FAM162B: variants seen among roughly 807,000 people sequenced by gnomAD.
The protein encoded by FAM162B is family with sequence similarity 162 member B.
A neutral mutation model predicts 20.0 loss-of-function variants in FAM162B; 16 were observed. That is an observed-to-expected ratio of 0.80 (90% confidence interval 0.54 to 1.21). FAM162B has a LOEUF of 1.21. Among genes scored for constraint, FAM162B ranks in the 50% most tolerant of loss-of-function variants. The probability of loss-of-function intolerance (pLI) is 0.00; values close to 1 mark genes in which losing one functional copy is unlikely to be tolerated. For missense variants in FAM162B, 260 were observed against 227.5 expected (o/e 1.14, Z -0.92); for synonymous variants, 83 against 89.7 (o/e 0.93, Z 0.42).
chr6:116,760,973 G>A (rs936195637), intron 3 of FAM162B, among the ~76,000 whole-genome samples: 4 of 152,146 alleles, frequency 2.6e-5, no homozygotes, highest in Admixed American at 6.5e-5. Flanking sequence ...TGAATGATAC[G>A]TATGCACTAT....
intron 3 of FAM162B, among the ~76,000 whole-genome samples, chr6:116,759,948 C>CA (rs1478551180): frequency 2.6e-5 from 4 of 152,172 alleles, no homozygotes; most frequent in Non-Finnish European, 2.9e-5. Context: ...ACCACTCCAT[C>CA]AAAAATGGCC....
At chr6:116,754,788 C>G (rs750631910) in intron 3 of FAM162B, among the ~76,000 whole-genome samples, 1 of 152,052 alleles carries the variant, frequency 6.6e-6, no homozygotes, top group South Asian at 2.1e-4. Context: ...GTGCTCACTT[C>G]GTGTCTCTGT....
At chr6:116,765,028 G>C in intron 2 of FAM162B, 119 bp downstream of exon 2, 1 of 837,148 alleles carries the variant, frequency 1.2e-6, no homozygotes, top group Non-Finnish European at 2.0e-6. Context: ...GGGTGATATT[G>C]CGAAGTGTTG....
At chr6:116,760,124 C>T (rs190992321) in intron 3 of FAM162B, among the ~76,000 whole-genome samples, 3 of 152,274 alleles carry the variant, frequency 2.0e-5, no homozygotes, top group Non-Finnish European at 2.9e-5. Context: ...ATGCAGAGTG[C>T]CTGGCATGTC....
intron 2 of FAM162B, among the ~76,000 whole-genome samples, 190 bp downstream of exon 2, chr6:116,764,957 T>C (rs1413080137): frequency 2.0e-5 from 3 of 152,160 alleles, no homozygotes; most frequent in Admixed American, 1.3e-4. Flanking sequence ...GTAAGCTTAA[T>C]TGACTCTTGA....
At chr6:116,765,319 C>T in intron 1 of FAM162B, 64 bp from the exon 2 acceptor site, 1 of 1,572,030 alleles carries the variant, frequency 6.4e-7, no homozygotes, top group Non-Finnish European at 8.7e-7. Context: ...ATCAGCGCGC[C>T]CTCAAGCCGA....
At chr6:116,765,123 T>G in intron 2 of FAM162B, 24 bp downstream of exon 2, 1 of 1,608,874 alleles carries the variant, frequency 6.2e-7, no homozygotes, top group Non-Finnish European at 8.5e-7. Flanking sequence ...CGACTCTCCT[T>G]CGCGCGGCGG....
At chr6:116,762,633 T>C (rs558072294) in intron 2 of FAM162B, among the ~76,000 whole-genome samples, 2 of 152,282 alleles carry the variant, frequency 1.3e-5, no homozygotes, top group East Asian at 1.9e-4. Context: ...TTCATGGCTT[T>C]TGCAATAATT....
chr6:116,759,882 C>T (rs373384538), intron 3 of FAM162B, among the ~76,000 whole-genome samples: 3 of 152,136 alleles, frequency 2.0e-5, no homozygotes, highest in East Asian at 3.9e-4. Flanking sequence ...TTCTTTCCTT[C>T]CCCCGGTCTT....
intron 3 of FAM162B, among the ~76,000 whole-genome samples, chr6:116,760,199 G>A (rs1166013318): frequency 6.6e-6 from 1 of 152,124 alleles, no homozygotes; most frequent in Non-Finnish European, 1.5e-5. Context: ...CACACTTTTG[G>A]AGAAGAGGAA....
chr6:116,764,078 G>C (rs1771856797), intron 2 of FAM162B, among the ~76,000 whole-genome samples: 1 of 152,170 alleles, frequency 6.6e-6, no homozygotes, highest in South Asian at 2.1e-4. Flanking sequence ...TCATTACTGA[G>C]TGTACATTTC....
Position 116,752,516 on chromosome 6 carries a change from G to T in FAM162B, c.*81C>A. 1.6e-6 allele frequency: 1 copy of T among 614,230 alleles called. No individual in the cohort carries two copies. Among genetic ancestry groups the T allele is most frequent in the East Asian group, 3.6e-5 (1 of 28,158 alleles). The allele number at this position is 614,230 out of a possible 1,614,324, so 38.0% of individuals were successfully genotyped here. A position where few individuals can be genotyped will look rare whatever the true frequency, so the allele number is the denominator to read the frequency against. ...AAATAAAACCATGGCAGATATTTTG[G>T]TAAATATTCTATTTTTCCCATCTTC... On this transcript the variant is annotated 3_prime_UTR_variant, in exon 4 of 4. Transcript: ENST00000368557.
rs1771892851 is a variant in FAM162B at position 116,765,475 on chromosome 6, A to G, written c.102T>C (p.Ala34=). The G allele has an allele frequency of 7.1e-7, 1 of 1,416,330 alleles. No homozygotes were observed. The highest frequency in any genetic ancestry group is 9.2e-7 in the Non-Finnish European group (1 of 1,088,634). The allele number at this position is 1,416,330 out of a possible 1,614,324, so 87.7% of individuals were successfully genotyped here. A position where few individuals can be genotyped will look rare whatever the true frequency, so the allele number is the denominator to read the frequency against. Residue 34 remains alanine (A), a synonymous_variant, in exon 1 of 4, where the codon GCT becomes GCC. Coordinates refer to ENST00000368557, the MANE Select transcript of FAM162B (RefSeq NM_001085480.3). ...AGCAGGGGAGACCCCGGGGCGGAAG[A>G]GCCGGTGCGGGCCGTCGCGTGGCCT... ...PLEATRRPAP[A]LPPRGLPCYS... is the part of the protein sequence containing the mutation.
intron 3 of FAM162B, among the ~76,000 whole-genome samples, chr6:116,755,975 T>C (rs1442539789): frequency 6.6e-6 from 1 of 152,184 alleles, no homozygotes; most frequent in Non-Finnish European, 1.5e-5. Context: ...CAAAAGTTCT[T>C]ATGGATATTT....
Position 116,765,489 on chromosome 6 carries a change from G to T in FAM162B, c.88C>A (p.Arg30=). 7.1e-7 allele frequency: 1 copy of T among 1,407,862 alleles called. No homozygotes were observed. The highest frequency in any genetic ancestry group is 9.2e-7 in the Non-Finnish European group (1 of 1,086,278). The allele number at this position is 1,407,862 out of a possible 1,614,324, so 87.2% of individuals were successfully genotyped here. A position where few individuals can be genotyped will look rare whatever the true frequency, so the allele number is the denominator to read the frequency against. The change falls in exon 1 of 4, where the codon CGG becomes AGG. Residue 30 remains arginine, a synonymous_variant. Coordinates refer to ENST00000368557, the MANE Select transcript of FAM162B (RefSeq NM_001085480.3). ...GPGAPLEATR[R]PAPALPPRGL... ...CGGGGCGGAAGAGCCGGTGCGGGCCGTCGCGTGGCCTCGAGAGGCGCCCCG... is the reference window on the plus strand; with the variant it reads ...CGGGGCGGAAGAGCCGGTGCGGGCCTTCGCGTGGCCTCGAGAGGCGCCCCG...
intron 3 of FAM162B, among the ~76,000 whole-genome samples, chr6:116,753,902 C>T (rs1170043657): frequency 6.6e-6 from 1 of 152,122 alleles, no homozygotes; most frequent in African/African-American, 2.4e-5. Flanking sequence ...AGACAACCTA[C>T]GTGAGTGTGG....
chr6:116,755,612 A>G (rs1380864982), intron 3 of FAM162B, among the ~76,000 whole-genome samples: 1 of 152,236 alleles, frequency 6.6e-6, no homozygotes, highest in Non-Finnish European at 1.5e-5. Flanking sequence ...AATGAAGACA[A>G]AATAGCCTCA....
Position 116,765,184 on chromosome 6 carries a change from G to A in FAM162B, c.244C>T (p.Arg82Cys), listed in dbSNP as rs746411168. The A allele has an allele frequency of 3.1e-6, 5 of 1,613,840 alleles. No individual in the cohort carries two copies. Among genetic ancestry groups the A allele is most frequent in the South Asian group, 1.1e-5 (1 of 91,088 alleles). ...FDKKILLWTG[R>C]FKSMEEIPPR... Reference sequence around the variant, plus strand: ...GGGATCTCCTCCATCGATTTGAAACGCCCTGTCCACAGCAGGATTTTCTTG... The same window carrying A: ...GGGATCTCCTCCATCGATTTGAAACACCCTGTCCACAGCAGGATTTTCTTG... The change falls in exon 2 of 4, where the codon CGT (arginine) becomes TGT (cysteine). Residue 82 changes from arginine (R) to cysteine (C), a missense_variant. Arg to Cys is a radical substitution (Grantham distance 180). Coordinates refer to ENST00000368557, the MANE Select transcript of FAM162B (RefSeq NM_001085480.3).
chr6:116,757,462 T>C (rs1006555540), intron 3 of FAM162B, among the ~76,000 whole-genome samples: 1 of 152,160 alleles, frequency 6.6e-6, no homozygotes, highest in South Asian at 2.1e-4. Context: ...GTACAATTTA[T>C]TGGATGCATG....
Sources: gnomAD v4.1 joint callset for allele counts (sites outside exome capture counted in the v4.1 genomes callset) on GRCh38, gnomAD v4.1.1 for gene constraint, MANE v1.5 for transcripts, NCBI Gene and HGNC (gene_info 2026-07-23, HGNC 2026-07-21) for gene names.